Variants in ATP11C observed in about 807,000 individuals in gnomAD.
ATP11C encodes the protein ATPase phospholipid transporting 11C (ATP11C blood group).
A neutral mutation model predicts 97.4 loss-of-function variants in ATP11C; 36 were observed. The observed-to-expected ratio is 0.37, with a 90% CI of 0.28 to 0.49. ATP11C has a LOEUF of 0.49. Ranked by LOEUF, ATP11C falls within the 20% of genes least tolerant of loss-of-function variation. The pLI is 0.98. For synonymous variants in ATP11C, 275 were observed against 290.9 expected (o/e 0.95, Z 0.56); for missense variants, 730 against 824.6 (o/e 0.89, Z 1.40).
Position 139,728,857 on chromosome X carries a change from TGA to T in ATP11C, c.*107_*108del. 1 of 1,074,037 alleles carries T rather than the reference TGA, an allele frequency of 9.3e-7. No homozygotes were observed. The allele number at this position is 1,074,037 out of a possible 1,213,427, so 88.5% of individuals were successfully genotyped here. ...TTAGTGTGTTGCGTATCAAGTATCC[TGA>T]GATGATAACTTTTTGTAGTTGTTTC... On this transcript the variant is annotated 3_prime_UTR_variant, in exon 30 of 30. Transcript: ENST00000682941.
At chrX:139,874,209 AT>A (rs140962708) in intron 1 of ATP11C, among the ~76,000 whole-genome samples, 3,578 of 81,851 alleles carry the variant, frequency 0.044, 171 homozygotes, top group African/African-American at 0.16. Context: ...TGCCTGGCTA[AT>A]TTTTTTTTTT....
At chrX:139,916,396 G>A (rs1214358446) in intron 1 of ATP11C, among the ~76,000 whole-genome samples, 9 of 111,241 alleles carry the variant, frequency 8.1e-5, no homozygotes, top group Non-Finnish European at 1.7e-4. Flanking sequence ...GAGGCATTAG[G>A]GATATAGCAA....
At chrX:139,891,806 T>A (rs767528056) in intron 1 of ATP11C, among the ~76,000 whole-genome samples, 12 of 111,865 alleles carry the variant, frequency 1.1e-4, no homozygotes, top group Non-Finnish European at 2.3e-4. Context: ...AGTATAAGCT[T>A]CTGAGAGTCT....
chrX:139,899,687 C>T (rs927004909), intron 1 of ATP11C, among the ~76,000 whole-genome samples: 2 of 111,328 alleles, frequency 1.8e-5, no homozygotes, highest in African/African-American at 6.5e-5. Context: ...GGAAACTACA[C>T]GATCTTTATA....
intron 12 of ATP11C, among the ~76,000 whole-genome samples, chrX:139,793,391 T>C (rs1188454312): frequency 2.7e-5 from 3 of 111,564 alleles, no homozygotes; most frequent in African/African-American, 9.8e-5. Context: ...ATAATAACTT[T>C]TATGGGTTAA....
chrX:139,803,069 G>A (rs2082958798), intron 6 of ATP11C, among the ~76,000 whole-genome samples: 1 of 111,615 alleles, frequency 9.0e-6, no homozygotes, highest in Non-Finnish European at 1.9e-5. Flanking sequence ...CGTCATCTTG[G>A]GGGAAATATT....
intron 28 of ATP11C, among the ~76,000 whole-genome samples, chrX:139,733,345 G>A (rs919916167): frequency 1.8e-5 from 2 of 112,020 alleles, no homozygotes; most frequent in Non-Finnish European, 3.8e-5. Flanking sequence ...CAGAAGATGA[G>A]TGGTCAACAA....
chrX:139,931,941 T>C (rs1483725939), intron 1 of ATP11C, 75 bp downstream of exon 1: 11 of 1,082,672 alleles, frequency 1.0e-5, no homozygotes, highest in Non-Finnish European at 1.2e-5. Context: ...CTCAGAAAAT[T>C]GTTGTGAGGG....
intron 19 of ATP11C, among the ~76,000 whole-genome samples, chrX:139,770,990 G>A (rs1236071551): frequency 1.8e-5 from 2 of 111,820 alleles, no homozygotes; most frequent in African/African-American, 3.3e-5. Context: ...AGATTCATCT[G>A]TTGAAGCTCT....
intron 1 of ATP11C, among the ~76,000 whole-genome samples, chrX:139,863,671 T>C (rs2084237834): frequency 1.8e-5 from 2 of 112,001 alleles, no homozygotes; most frequent in Admixed American, 1.9e-4. Flanking sequence ...GCTCCAGAGT[T>C]AGAGTAGAAA....
intron 4 of ATP11C, 90 bp downstream of exon 4, chrX:139,816,773 C>A (rs2083294880): frequency 1.8e-6 from 1 of 541,905 alleles, no homozygotes; most frequent in Admixed American, 3.3e-5. Flanking sequence ...ATACTACCCA[C>A]TGTATATAAA....
chrX:139,756,714 A>G (rs1260540077), intron 23 of ATP11C, among the ~76,000 whole-genome samples: 1 of 111,207 alleles, frequency 9.0e-6, no homozygotes, highest in African/African-American at 3.3e-5. Flanking sequence ...AAACTAACAC[A>G]AAAACAGAAA....
chrX:139,916,168 G>T (rs1363683675), intron 1 of ATP11C, among the ~76,000 whole-genome samples: 1 of 106,939 alleles, frequency 9.4e-6, no homozygotes, highest in Non-Finnish European at 1.9e-5. Flanking sequence ...GGCAGAGGTT[G>T]CAGTGAGCCG....
chrX:139,776,556 A>G (rs1371071989), intron 18 of ATP11C, among the ~76,000 whole-genome samples: 1 of 111,507 alleles, frequency 9.0e-6, no homozygotes, highest in African/African-American at 3.3e-5. Context: ...CTACCTGCAC[A>G]GGATGAGGAG....
chrX:139,906,316 C>G (rs868132610), intron 1 of ATP11C, among the ~76,000 whole-genome samples: 71 of 108,672 alleles, frequency 6.5e-4, no homozygotes, highest in African/African-American at 2.3e-3. Flanking sequence ...ACTTGGGAGG[C>G]TGAGGTGGGA....
chrX:139,840,366 AT>A (rs1041888581), intron 1 of ATP11C, among the ~76,000 whole-genome samples: 6 of 112,447 alleles, frequency 5.3e-5, no homozygotes, highest in African/African-American at 1.6e-4. Flanking sequence ...GGTTGTTGTG[AT>A]GCCTTGTTAA....
At chrX:139,927,017 T>C (rs1251212403) in intron 1 of ATP11C, among the ~76,000 whole-genome samples, 1 of 112,235 alleles carries the variant, frequency 8.9e-6, no homozygotes. Context: ...TAACTGATAT[T>C]GTACAATCTA....
Position 139,789,318 on chromosome X carries a change from C to A in ATP11C, c.1368+9G>T. The A allele has an allele frequency of 8.4e-7, 1 of 1,184,517 alleles. No individual in the cohort carries two copies. On this transcript the variant is annotated intron_variant, in intron 13 of 29. Transcript: ENST00000682941. ...TGGTTTCTTATATAAAACAATAATG[C>A]AAATGCACCTTATCTACTTTGTCAA... is the stretch of plus-strand genomic sequence containing the variant.
intron 29 of ATP11C, among the ~76,000 whole-genome samples, chrX:139,730,441 C>G (rs1436405797): frequency 9.0e-6 from 1 of 111,494 alleles, no homozygotes; most frequent in Admixed American, 9.5e-5. Context: ...GTAAGTTGTT[C>G]AAAAATGGGT....
Sources: allele counts gnomAD v4.1 joint callset (sites outside exome capture counted in the v4.1 genomes callset), GRCh38; gene constraint gnomAD v4.1.1; transcripts MANE v1.5; gene names NCBI Gene and HGNC (gene_info 2026-07-23, HGNC 2026-07-21).